RAD54B: variants seen among roughly 807,000 people sequenced by gnomAD.
RAD54B encodes DNA repair and recombination protein RAD54B.
Under a neutral mutation model 95.8 loss-of-function variants are expected in RAD54B, and 78 were observed. That is an observed-to-expected ratio of 0.81 (90% CI 0.68 to 0.98). RAD54B has a LOEUF of 0.98. Among genes scored for constraint, RAD54B ranks in the 50% least tolerant of loss-of-function variants. The pLI is 0.00. For missense variants in RAD54B, 957 were observed against 1,056.6 expected (o/e 0.91, Z 1.31); for synonymous variants, 328 against 354.9 (o/e 0.92, Z 0.85).
intron 3 of RAD54B, among the ~76,000 whole-genome samples, chr8:94,443,397 C>G (rs1484330851): frequency 6.6e-6 from 1 of 151,908 alleles, no homozygotes; most frequent in African/African-American, 2.4e-5. Context: ...ACCTGTGCAG[C>G]AAACCACCAG....
chr8:94,446,907 G>A (rs753768277), intron 3 of RAD54B, among the ~76,000 whole-genome samples: 1 of 151,670 alleles, frequency 6.6e-6, no homozygotes, highest in Non-Finnish European at 1.5e-5. Flanking sequence ...TGGTGCCAAG[G>A]GACTCTGAAG....
chr8:94,471,033 C>T (rs760186372), intron 1 of RAD54B, among the ~76,000 whole-genome samples: 90 of 152,256 alleles, frequency 5.9e-4, no homozygotes, highest in Non-Finnish European at 1.0e-3. Flanking sequence ...ACCTTATCAT[C>T]TAGGAGTCTT....
chr8:94,404,026 C>A, intron 6 of RAD54B, 51 bp downstream of exon 6: 2 of 1,381,598 alleles, frequency 1.4e-6, no homozygotes, highest in South Asian at 1.4e-5. Flanking sequence ...TATTGTGTTA[C>A]AGGTTAAATC....
intron 3 of RAD54B, among the ~76,000 whole-genome samples, chr8:94,438,367 T>G (rs1812320271): frequency 6.6e-6 from 1 of 152,242 alleles, no homozygotes; most frequent in Non-Finnish European, 1.5e-5. Flanking sequence ...CCATAATAGT[T>G]CTACCCTTTC....
At chr8:94,396,935 C>T (rs1158192704) in intron 8 of RAD54B, among the ~76,000 whole-genome samples, 1 of 152,038 alleles carries the variant, frequency 6.6e-6, no homozygotes, top group African/African-American at 2.4e-5. Context: ...AGGGAGAAGG[C>T]AGCTCTCTGC....
intron 3 of RAD54B, chr8:94,430,622 G>T: frequency 1.6e-6 from 1 of 607,492 alleles, no homozygotes; most frequent in Non-Finnish European, 2.1e-6. Context: ...ACCCATACTT[G>T]GAAAACCATT....
intron 1 of RAD54B, among the ~76,000 whole-genome samples, chr8:94,468,277 A>G (rs1384881945): frequency 6.6e-6 from 1 of 152,116 alleles, no homozygotes; most frequent in Non-Finnish European, 1.5e-5. Flanking sequence ...ACCATTAGCT[A>G]CCCATTTTTC....
intron 3 of RAD54B, among the ~76,000 whole-genome samples, chr8:94,413,718 T>C (rs1031723325): frequency 6.6e-6 from 1 of 152,158 alleles, no homozygotes; most frequent in Non-Finnish European, 1.5e-5. Flanking sequence ...ATTTAAAACT[T>C]TTGCTTTTTG....
intron 14 of RAD54B, among the ~76,000 whole-genome samples, chr8:94,375,308 C>G (rs1443564042): frequency 6.6e-6 from 1 of 152,174 alleles, no homozygotes; most frequent in East Asian, 1.9e-4. Flanking sequence ...TCTTGCAGCT[C>G]CCATATTTCC....
intron 3 of RAD54B, chr8:94,428,758 TC>T: frequency 2.0e-6 from 2 of 985,212 alleles, no homozygotes; most frequent in Non-Finnish European, 2.4e-6. Flanking sequence ...TAGCAAACTT[TC>T]CCCTATATAT....
intron 3 of RAD54B, among the ~76,000 whole-genome samples, chr8:94,444,933 G>A (rs2130143855): frequency 6.6e-6 from 1 of 152,236 alleles, no homozygotes; most frequent in East Asian, 1.9e-4. Context: ...CAGTCTCTGT[G>A]GAAGGACAGA....
rs57897762 is a variant in RAD54B, at chr8:94,420,251, A to ATT, written c.305-8938_305-8937dup. On this transcript the variant is annotated intron_variant, in intron 3 of 14. Coordinates refer to ENST00000336148, the MANE Select transcript of RAD54B (RefSeq NM_012415.3). ...TAGTAAAAGCGCCAAAGAAAACTTGATTTTTTTTTTTTTTTTTTTTTTTTA... is the reference window on the plus strand; with the variant it reads ...TAGTAAAAGCGCCAAAGAAAACTTGATTTTTTTTTTTTTTTTTTTTTTTTTTA... 2.8e-3 allele frequency among the ~76,000 whole-genome samples: 326 copies of ATT among 116,990 alleles called. 2 individuals are homozygous for ATT. Among genetic ancestry groups the ATT allele is most frequent in the East Asian group, 0.01 (39 of 3,772 alleles). The allele number at this position is 116,990 out of a possible 152,430, so 76.7% of individuals were successfully genotyped here.
chr8:94,449,535 G>C (rs1375813372), intron 3 of RAD54B, among the ~76,000 whole-genome samples: 2 of 151,608 alleles, frequency 1.3e-5, no homozygotes, highest in Non-Finnish European at 2.9e-5. Flanking sequence ...CTTGAACCCA[G>C]GAGGTAGATG....
Position 94,378,357 on chromosome 8 carries a change from GAT to G in RAD54B, c.2336_2337del (p.Tyr779SerfsTer6). 6.2e-7 allele frequency: 1 copy of G among 1,613,484 alleles called. No individual in the cohort carries two copies. The highest frequency in any genetic ancestry group is 8.5e-7 in the Non-Finnish European group (1 of 1,179,726). The stretch of plus-strand genomic sequence containing the variant: ...AGACCTTGCTTACTGATCTGCCTTT[GAT>G]AGATCTTTTCTTCTATTGTACCTAA... Reference protein sequence around the residue: ...LTTGTIEEKIYQRQISKQGLC... With the variant: ...LTTGTIEEKIXQRQISKQGLC... On this transcript the variant is annotated frameshift_variant, in exon 14 of 15. Transcript: ENST00000336148. LOFTEE classifies it high-confidence loss of function.
intron 3 of RAD54B, among the ~76,000 whole-genome samples, chr8:94,417,363 G>T (rs1462201429): frequency 2.6e-5 from 4 of 151,832 alleles, no homozygotes; most frequent in African/African-American, 9.7e-5. Context: ...AAAAAACAAT[G>T]AATTGTACAC....
At chr8:94,400,581 T>G (rs987756859) in intron 6 of RAD54B, 118 bp from the exon 7 acceptor site, 14 of 740,022 alleles carry the variant, frequency 1.9e-5, no homozygotes, top group Non-Finnish European at 3.0e-5. Context: ...TAGTACTTCA[T>G]TAGCTGATTT....
At chr8:94,398,403 G>C (rs1208879363) in intron 8 of RAD54B, among the ~76,000 whole-genome samples, 2 of 152,034 alleles carry the variant, frequency 1.3e-5, no homozygotes, top group African/African-American at 4.8e-5. Context: ...CAGAAGAGGA[G>C]GAGTTTTCTC....
Position 94,399,528 on chromosome 8 carries a change from T to A in RAD54B, c.1264A>T (p.Asn422Tyr). The A allele has an allele frequency of 6.2e-7, 1 of 1,613,004 alleles. No individual in the cohort carries two copies. Among genetic ancestry groups the A allele is most frequent in the Non-Finnish European group, 8.5e-7 (1 of 1,179,214 alleles). The stretch of plus-strand genomic sequence containing the variant: ...CAGATTAGAAGATCAAATTTTATAT[T>A]CTTAATTTGATCCAGGGAACGAAGT... ...MLLRSLDQIK[N>Y]IKFDLLICDE... The change falls in exon 8 of 15, where the codon AAT (asparagine) becomes TAT (tyrosine). Residue 422 changes from asparagine (N) to tyrosine (Y), a missense_variant. Coordinates refer to ENST00000336148, the MANE Select transcript of RAD54B (RefSeq NM_012415.3).
At chr8:94,433,478 T>A (rs947806545) in intron 3 of RAD54B, among the ~76,000 whole-genome samples, 1 of 152,056 alleles carries the variant, frequency 6.6e-6, no homozygotes, top group Admixed American at 6.6e-5. Flanking sequence ...TAATGAAACA[T>A]TTTTAATGGC....
Sources: gnomAD v4.1 joint callset for allele counts (sites outside exome capture counted in the v4.1 genomes callset) on GRCh38, gnomAD v4.1.1 for gene constraint, MANE v1.5 for transcripts, NCBI Gene and HGNC (gene_info 2026-07-23, HGNC 2026-07-21) for gene names.